Variants in MARK1 observed in about 807,000 individuals in gnomAD.
The protein encoded by MARK1 is microtubule affinity regulating kinase 1, also known as serine/threonine-protein kinase MARK1.
MARK1 carries 40 observed loss-of-function variants against 96.3 expected under a neutral mutation model. The ratio of observed to expected loss-of-function variants is 0.42; its 90% CI spans 0.32 to 0.54. The LOEUF is 0.54. MARK1 is among the 20% of genes least tolerant of loss of function. MARK1 has a pLI of 0.16. For synonymous variants in MARK1, 317 were observed against 341.2 expected (o/e 0.93, Z 0.78); for missense variants, 719 against 984.6 (o/e 0.73, Z 3.61).
chr1:220,644,048 G>A (rs912710898), intron 13 of MARK1, among the ~76,000 whole-genome samples: 8 of 152,122 alleles, frequency 5.3e-5, no homozygotes, highest in Non-Finnish European at 7.3e-5. Context: ...TATGATGACA[G>A]GATCAAATTA....
chr1:220,582,543 AC>A (rs1449721157), intron 3 of MARK1, among the ~76,000 whole-genome samples: 7 of 144,940 alleles, frequency 4.8e-5, no homozygotes, highest in African/African-American at 1.7e-4. Flanking sequence ...TAGCTTTTCT[AC>A]TTTTCCTGGA....
At chr1:220,614,531 C>G (rs1267055484) in intron 6 of MARK1, among the ~76,000 whole-genome samples, 1 of 151,838 alleles carries the variant, frequency 6.6e-6, no homozygotes, top group Non-Finnish European at 1.5e-5. Context: ...ATATATACCT[C>G]TCTATATACA....
intron 9 of MARK1, among the ~76,000 whole-genome samples, chr1:220,629,416 ACTT>A (rs1037217552): frequency 4.0e-5 from 6 of 151,554 alleles, no homozygotes; most frequent in Non-Finnish European, 7.4e-5. Flanking sequence ...ACCCTCAACA[ACTT>A]CTAAGTGTGT....
intron 7 of MARK1, among the ~76,000 whole-genome samples, chr1:220,617,867 T>G (rs1422221109): frequency 6.6e-6 from 1 of 152,176 alleles, no homozygotes; most frequent in Non-Finnish European, 1.5e-5. Context: ...TAGATATACC[T>G]TTGAGCCTTG....
At chr1:220,568,734 T>C (rs951663394) in intron 1 of MARK1, among the ~76,000 whole-genome samples, 7 of 152,208 alleles carry the variant, frequency 4.6e-5, no homozygotes, top group African/African-American at 1.4e-4. Flanking sequence ...TATTGAAGCA[T>C]GTGCATGGAG....
At chr1:220,599,026 A>G (rs957867309) in intron 4 of MARK1, among the ~76,000 whole-genome samples, 5 of 150,610 alleles carry the variant, frequency 3.3e-5, no homozygotes, top group African/African-American at 1.2e-4. Flanking sequence ...GGTATCTATA[A>G]AAAAAAAATG....
intron 1 of MARK1, among the ~76,000 whole-genome samples, chr1:220,547,155 G>A (rs1475724610): frequency 6.6e-6 from 1 of 151,852 alleles, no homozygotes; most frequent in East Asian, 1.9e-4. Flanking sequence ...ACTTTTTTCT[G>A]CAGAAATTAT....
intron 3 of MARK1, among the ~76,000 whole-genome samples, chr1:220,588,078 C>T (rs1208554690): frequency 6.6e-6 from 1 of 152,152 alleles, no homozygotes; most frequent in Admixed American, 6.6e-5. Flanking sequence ...AAATTTTTGC[C>T]AACCTTATGG....
chr1:220,586,307 C>T (rs987023442), intron 3 of MARK1, among the ~76,000 whole-genome samples: 4 of 152,086 alleles, frequency 2.6e-5, no homozygotes, highest in African/African-American at 4.8e-5. Flanking sequence ...AGTTACCAGG[C>T]CTTTGCAACT....
At chr1:220,644,776 C>T (rs1398850286) in intron 13 of MARK1, among the ~76,000 whole-genome samples, 3 of 152,134 alleles carry the variant, frequency 2.0e-5, no homozygotes, top group Non-Finnish European at 2.9e-5. Flanking sequence ...AAGAAACACA[C>T]TCAAAACCAC....
intron 1 of MARK1, among the ~76,000 whole-genome samples, chr1:220,559,440 C>T (rs1336944478): frequency 1.3e-5 from 2 of 152,090 alleles, no homozygotes; most frequent in African/African-American, 2.4e-5. Context: ...ACAACAACTA[C>T]AAAAACTTCT....
At chr1:220,604,252 T>C (rs1665932014) in intron 6 of MARK1, 115 bp downstream of exon 6, 1 of 534,204 alleles carries the variant, frequency 1.9e-6, no homozygotes, top group Non-Finnish European at 3.2e-6. Flanking sequence ...AATTCCTGCT[T>C]TCTTATATTT....
intron 3 of MARK1, among the ~76,000 whole-genome samples, chr1:220,592,943 C>T (rs900872288): frequency 7.9e-5 from 12 of 152,132 alleles, no homozygotes; most frequent in African/African-American, 2.9e-4. Flanking sequence ...TCATTTCCTA[C>T]AGCTTAACAA....
At position 220,632,324 on chromosome 1, in the gene MARK1, C is replaced by G; in HGVS notation, c.1122+11C>G. ...AGAAAACCACCTGAAGTAAGTTTTTCACCTTTTCAGATTACTGTGAATTAT... is the reference window on the plus strand; with the variant it reads ...AGAAAACCACCTGAAGTAAGTTTTTGACCTTTTCAGATTACTGTGAATTAT... On this transcript the variant is annotated intron_variant, in intron 11 of 17. Coordinates refer to ENST00000366917, the MANE Select transcript of MARK1 (RefSeq NM_018650.5). The G allele has an allele frequency of 8.1e-7, 1 of 1,242,214 alleles. No homozygotes were observed. The highest frequency in any genetic ancestry group is 1.5e-5 in the African/African-American group (1 of 64,966). The allele number at this position is 1,242,214 out of a possible 1,614,324, so 76.9% of individuals were successfully genotyped here.
intron 6 of MARK1, 88 bp downstream of exon 6, chr1:220,604,225 G>A: frequency 3.0e-6 from 2 of 662,232 alleles, no homozygotes; most frequent in South Asian, 6.1e-5. Flanking sequence ...CACAGCACAT[G>A]GTATTTTAAA....
intron 6 of MARK1, among the ~76,000 whole-genome samples, chr1:220,613,520 C>T (rs1355929216): frequency 6.6e-6 from 1 of 152,064 alleles, no homozygotes; most frequent in African/African-American, 2.4e-5. Context: ...TGCATACCTT[C>T]AGTGGCTCAT....
At chr1:220,529,726 G>C (rs1660181078) in intron 1 of MARK1, among the ~76,000 whole-genome samples, 1 of 152,174 alleles carries the variant, frequency 6.6e-6, no homozygotes, top group Non-Finnish European at 1.5e-5. Flanking sequence ...TTAAACTCTT[G>C]AAAAACGAAA....
intron 13 of MARK1, among the ~76,000 whole-genome samples, chr1:220,648,540 A>C (rs1291727951): frequency 6.6e-6 from 1 of 152,214 alleles, no homozygotes; most frequent in African/African-American, 2.4e-5. Context: ...CCCCAAGGCA[A>C]GGGAGGTAGA....
intron 3 of MARK1, among the ~76,000 whole-genome samples, chr1:220,586,024 C>CGCAG (rs55874100): frequency 6.6e-6 from 1 of 151,356 alleles, no homozygotes; most frequent in Non-Finnish European, 1.5e-5. Context: ...CGCGCGTGCG[C>CGCAG]AGAGAGAGAG....
Sources: gnomAD v4.1 joint callset for allele counts (sites outside exome capture counted in the v4.1 genomes callset) on GRCh38, gnomAD v4.1.1 for gene constraint, MANE v1.5 for transcripts, NCBI Gene and HGNC (gene_info 2026-07-23, HGNC 2026-07-21) for gene names.